The following DACH1 variants were observed in gnomAD, a reference collection of about 807,000 sequenced individuals.
DACH1 encodes dachshund family transcription factor 1, also known as dachshund homolog 1.
DACH1 carries 12 observed loss-of-function variants against 54.2 expected under a neutral mutation model. The observed-to-expected ratio is 0.22, with a 90% CI of 0.14 to 0.36. The LOEUF (loss-of-function observed/expected upper bound fraction) is 0.36, where lower values mean the gene tolerates loss of function less well. Ranked by LOEUF, DACH1 falls within the 10% of genes least tolerant of loss-of-function variation. The pLI is 1.00. For missense variants in DACH1, 805 were observed against 929.8 expected (o/e 0.87, Z 1.75); for synonymous variants, 386 against 366.2 (o/e 1.05, Z -0.62).
At chr13:71,678,697 C>G (rs2138695093) in intron 2 of DACH1, among the ~76,000 whole-genome samples, 1 of 151,374 alleles carries the variant, frequency 6.6e-6, no homozygotes, top group East Asian at 2.0e-4. Flanking sequence ...CTTTCTGTTG[C>G]CCAGGCTTGA....
intron 1 of DACH1, among the ~76,000 whole-genome samples, chr13:71,787,872 C>T (rs111524951): frequency 0.025 from 3,849 of 152,090 alleles, 133 homozygotes; most frequent in African/African-American, 0.084. Flanking sequence ...ACAAAATGAG[C>T]GGAAATCTGG....
intron 2 of DACH1, among the ~76,000 whole-genome samples, chr13:71,668,903 C>A (rs555471037): frequency 2.8e-4 from 42 of 151,906 alleles, no homozygotes; most frequent in Admixed American, 7.9e-4. Context: ...CCAGCCTGTA[C>A]AACAAGAACA....
intron 6 of DACH1, among the ~76,000 whole-genome samples, chr13:71,508,132 T>G (rs1424596416): frequency 6.6e-6 from 1 of 152,204 alleles, no homozygotes; most frequent in Non-Finnish European, 1.5e-5. Flanking sequence ...TCACTGCAAG[T>G]GAACTGTGCC....
chr13:71,619,862 T>C (rs1033370527), intron 3 of DACH1, among the ~76,000 whole-genome samples: 3 of 151,894 alleles, frequency 2.0e-5, no homozygotes, highest in Non-Finnish European at 4.4e-5. Context: ...GGAAATTGTA[T>C]AATATTTACA....
chr13:71,638,083 T>G (rs1877619983), intron 2 of DACH1, among the ~76,000 whole-genome samples: 1 of 152,236 alleles, frequency 6.6e-6, no homozygotes, highest in Non-Finnish European at 1.5e-5. Context: ...GTATTCAAAC[T>G]TTCCATATGA....
intron 1 of DACH1, among the ~76,000 whole-genome samples, chr13:71,786,511 T>C (rs1041348060): frequency 1.3e-5 from 2 of 152,150 alleles, no homozygotes; most frequent in African/African-American, 2.4e-5. Flanking sequence ...TAAGTTGTAT[T>C]AATAATAGAA....
chr13:71,553,767 AC>A, intron 6 of DACH1, among the ~76,000 whole-genome samples: 2 of 150,928 alleles, frequency 1.3e-5, no homozygotes, highest in Middle Eastern at 3.4e-3. Flanking sequence ...AATAGTTAAA[AC>A]CTCTGGTCCT....
rs979315299 is a variant in DACH1, at chr13:71,829,423, A to C, written c.848+36499T>G. On this transcript the variant is annotated intron_variant, in intron 1 of 10. Coordinates refer to ENST00000613252, the MANE Select transcript of DACH1 (RefSeq NM_080759.6). ...AGTTTGTCTAATTTGGATAAATTTC[A>C]TCTAAAACAAGAAAGTCACTGCAAC... is the stretch of plus-strand genomic sequence containing the variant. Among the ~76,000 whole-genome samples the C allele has an allele frequency of 5.3e-5, 8 of 152,134 alleles. No homozygotes were observed. The South Asian group carries it at 1.7e-3, about 31-fold the overall frequency.
rs751322569 is a variant in DACH1, at chr13:71,674,189, T to G, written c.964+7606A>C. Among the ~76,000 whole-genome samples the G allele has an allele frequency of 7.9e-5, 12 of 152,212 alleles. 1 individual carries two copies. The highest frequency in any genetic ancestry group is 1.5e-4 in the Non-Finnish European group (10 of 68,036). On this transcript the variant is annotated intron_variant, in intron 2 of 10. Coordinates refer to ENST00000613252, the MANE Select transcript of DACH1 (RefSeq NM_080759.6). ...TAGGCCAAAATCTTCTGTGTGCATA[T>G]CTACCATACCCCACCTGGACTTCTC...
intron 8 of DACH1, among the ~76,000 whole-genome samples, chr13:71,478,289 C>T (rs1877748501): frequency 6.6e-6 from 1 of 152,146 alleles, no homozygotes; most frequent in Non-Finnish European, 1.5e-5. Flanking sequence ...CCCAAAATGA[C>T]CAACTTCCAG....
intron 3 of DACH1, among the ~76,000 whole-genome samples, chr13:71,593,159 T>A (rs893569163): frequency 5.3e-5 from 8 of 152,086 alleles, no homozygotes; most frequent in African/African-American, 1.7e-4. Context: ...TATTTTTAAT[T>A]TTATTATTTT....
chr13:71,486,413 CATTT>C (rs1878509091), intron 7 of DACH1, among the ~76,000 whole-genome samples: 2 of 152,096 alleles, frequency 1.3e-5, no homozygotes, highest in African/African-American at 4.8e-5. Flanking sequence ...ACAGCAATCA[CATTT>C]ATACTGTATA....
intron 7 of DACH1, among the ~76,000 whole-genome samples, chr13:71,483,785 CTA>C (rs1490911749): frequency 6.6e-6 from 1 of 151,840 alleles, no homozygotes; most frequent in Non-Finnish European, 1.5e-5. Flanking sequence ...TGTACCTTTT[CTA>C]TGTTTAGACA....
At chr13:71,810,705 T>G (rs1343354815) in intron 1 of DACH1, among the ~76,000 whole-genome samples, 2 of 152,176 alleles carry the variant, frequency 1.3e-5, no homozygotes, top group African/African-American at 2.4e-5. Flanking sequence ...CTCATATAGC[T>G]TCAACTTCAT....
intron 1 of DACH1, among the ~76,000 whole-genome samples, chr13:71,762,883 T>A (rs765531070): frequency 6.6e-6 from 1 of 151,832 alleles, no homozygotes; most frequent in Non-Finnish European, 1.5e-5. Flanking sequence ...AATTTAATAA[T>A]GTAGTTTTTT....
chr13:71,662,184 C>A (rs2138654688), intron 2 of DACH1, among the ~76,000 whole-genome samples: 1 of 152,118 alleles, frequency 6.6e-6, no homozygotes, highest in African/African-American at 2.4e-5. Context: ...TTAAAATAGA[C>A]TTCAGTGAAT....
intron 1 of DACH1, among the ~76,000 whole-genome samples, chr13:71,713,090 T>C (rs997536578): frequency 4.2e-5 from 5 of 120,026 alleles, no homozygotes; most frequent in Non-Finnish European, 6.3e-5. Context: ...TTTCTTCTTC[T>C]TTTTTTTTTT....
At chr13:71,715,421 CA>C (rs1882922282) in intron 1 of DACH1, among the ~76,000 whole-genome samples, 1 of 152,020 alleles carries the variant, frequency 6.6e-6, no homozygotes, top group African/African-American at 2.4e-5. Flanking sequence ...ACAGTGAGCA[CA>C]AAGGAAAAAG....
chr13:71,772,232 A>T (rs1451983463), intron 1 of DACH1, among the ~76,000 whole-genome samples: 3 of 151,718 alleles, frequency 2.0e-5, no homozygotes, highest in African/African-American at 4.8e-5. Flanking sequence ...CCTTAATTAA[A>T]CATACTAAGG....
Sources: gnomAD v4.1 joint callset for allele counts (sites outside exome capture counted in the v4.1 genomes callset) on GRCh38, gnomAD v4.1.1 for gene constraint, MANE v1.5 for transcripts, NCBI Gene and HGNC (gene_info 2026-07-23, HGNC 2026-07-21) for gene names.